NRG2: variants seen among roughly 807,000 people sequenced by gnomAD.
The protein encoded by NRG2 is neuregulin 2, also known as pro-neuregulin-2, membrane-bound isoform.
NRG2 carries 27 observed loss-of-function variants against 73.9 expected under a neutral mutation model. That is an observed-to-expected ratio of 0.37 (90% confidence interval 0.27 to 0.50). NRG2 has a LOEUF of 0.50. Ranked by LOEUF, NRG2 falls within the 20% of genes least tolerant of loss-of-function variation. NRG2 has a pLI of 0.96. For missense variants in NRG2, 1,126 were observed against 1,210.1 expected (o/e 0.93, Z 1.03); for synonymous variants, 532 against 541.0 (o/e 0.98, Z 0.23).
At chr5:139,911,300 T>C (rs1750803018) in intron 1 of NRG2, among the ~76,000 whole-genome samples, 1 of 152,108 alleles carries the variant, frequency 6.6e-6, no homozygotes, top group South Asian at 2.1e-4. Flanking sequence ...GAGGTTGGAC[T>C]AAATGATGTT....
At chr5:140,020,519 T>C (rs1760136361) in intron 1 of NRG2, among the ~76,000 whole-genome samples, 1 of 152,200 alleles carries the variant, frequency 6.6e-6, no homozygotes, top group South Asian at 2.1e-4. Flanking sequence ...CAAAATGTCA[T>C]TAGGGATTTT....
At chr5:139,950,012 CA>C (rs1325827773) in intron 1 of NRG2, among the ~76,000 whole-genome samples, 1 of 152,126 alleles carries the variant, frequency 6.6e-6, no homozygotes, top group Non-Finnish European at 1.5e-5. Context: ...GACAAAGACA[CA>C]AGGGAAAATT....
chr5:139,929,795 T>G (rs898191301), intron 1 of NRG2, among the ~76,000 whole-genome samples: 1 of 152,184 alleles, frequency 6.6e-6, no homozygotes, highest in Non-Finnish European at 1.5e-5. Flanking sequence ...GGCTGGGGCT[T>G]GACGCTCCAC....
At chr5:139,970,600 C>A (rs898701442) in intron 1 of NRG2, among the ~76,000 whole-genome samples, 1 of 152,234 alleles carries the variant, frequency 6.6e-6, no homozygotes, top group Non-Finnish European at 1.5e-5. Flanking sequence ...ACTATTCCAG[C>A]CCTGCTATCC....
intron 1 of NRG2, among the ~76,000 whole-genome samples, chr5:140,000,856 G>A (rs1469016730): frequency 6.6e-6 from 1 of 152,198 alleles, no homozygotes; most frequent in African/African-American, 2.4e-5. Context: ...CTCTGTCAAC[G>A]TCAGATGTGA....
At chr5:139,929,833 C>T (rs1419340081) in intron 1 of NRG2, among the ~76,000 whole-genome samples, 1 of 152,128 alleles carries the variant, frequency 6.6e-6, no homozygotes, top group African/African-American at 2.4e-5. Flanking sequence ...ACCCTCCCAT[C>T]GGCTGCTGTG....
intron 1 of NRG2, among the ~76,000 whole-genome samples, chr5:139,961,299 CCT>C (rs976838579): frequency 2.0e-5 from 3 of 152,084 alleles, no homozygotes; most frequent in Non-Finnish European, 4.4e-5. Context: ...GCCTTCTCTC[CCT>C]GACTTGAGCC....
At position 139,915,946 on chromosome 5, in the gene NRG2, G is replaced by A. The variant is rs1580726456; in HGVS notation, c.701-28435C>T. Among the ~76,000 whole-genome samples the A allele has an allele frequency of 6.6e-6, 1 of 152,174 alleles. No homozygotes were observed. The highest frequency in any genetic ancestry group is 1.9e-4 in the East Asian group (1 of 5,190). On this transcript the variant is annotated intron_variant, in intron 1 of 9. Transcript: ENST00000361474. The surrounding 1 kb of genome is among the most constrained non-coding windows in gnomAD (Gnocchi z 4.0). ...ATGGAGATAAGGCTAAAAAGACTGG[G>A]TGGGAACCAGGCTGCCCAGAGCACC...
intron 1 of NRG2, among the ~76,000 whole-genome samples, chr5:139,938,905 A>AAAAGAAAGAAAGAAAGAAAGAAAG: frequency 1.3e-5 from 1 of 75,562 alleles, no homozygotes; most frequent in East Asian, 3.7e-4. Context: ...AGAAAGAAAG[A>AAAAGAAAGAAAGAAAGAAAGAAAG]AAAGAAAGAA....
At chr5:140,040,869 A>C (rs1450049805) in intron 1 of NRG2, among the ~76,000 whole-genome samples, 1 of 152,200 alleles carries the variant, frequency 6.6e-6, no homozygotes, top group Non-Finnish European at 1.5e-5. Context: ...AAAAGCAGTC[A>C]ACAATATTCC....
chr5:140,022,532 A>G (rs1342587154), intron 1 of NRG2, among the ~76,000 whole-genome samples: 1 of 152,190 alleles, frequency 6.6e-6, no homozygotes, highest in Non-Finnish European at 1.5e-5. Context: ...CATTTGATCT[A>G]CTATCTACCA....
chr5:139,964,287 G>A (rs1755311947), intron 1 of NRG2, among the ~76,000 whole-genome samples: 1 of 151,980 alleles, frequency 6.6e-6, no homozygotes, highest in African/African-American at 2.4e-5. Context: ...GGGACTTTAT[G>A]TATCTCCTTT....
In NRG2 at chr5:139,904,390, T is replaced by G. The variant is rs1235115080; in HGVS notation, c.701-16879A>C. On this transcript the variant is annotated intron_variant, in intron 1 of 9. Transcript: ENST00000361474. The surrounding 1 kb of genome is among the most constrained non-coding windows in gnomAD (Gnocchi z 6.0). ...GCGGCCGCGGCCCCTCCTCCTGGAC[T>G]CCGACATTCTGCACGGGGTCCCAGG... is the stretch of plus-strand genomic sequence containing the variant. The G allele has an allele frequency of 1.9e-6, 3 of 1,549,624 alleles. No individual in the cohort carries two copies. In the African/African-American group the frequency reaches 4.1e-5, roughly 21 times the overall value.
chr5:139,946,758 C>T lies in NRG2; in HGVS notation c.701-59247G>A, dbSNP rs377527779. Reference sequence around the variant, plus strand: ...TTATATCTATAATATATACAGAATGCTTACAACTCAACAACAATAAAACAA... The same window carrying T: ...TTATATCTATAATATATACAGAATGTTTACAACTCAACAACAATAAAACAA... On this transcript the variant is annotated intron_variant, in intron 1 of 9. Transcript: ENST00000361474. Among the ~76,000 whole-genome samples, 17 of 152,144 alleles carry T rather than the reference C, an allele frequency of 1.1e-4. No homozygotes were observed. The East Asian group carries it at 2.5e-3, about 22-fold the overall frequency.
chr5:140,021,636 T>G (rs779588067), intron 1 of NRG2, among the ~76,000 whole-genome samples: 13 of 152,178 alleles, frequency 8.5e-5, no homozygotes, highest in Non-Finnish European at 1.3e-4. Flanking sequence ...TATTAATGCC[T>G]TCTTGAGTTC....
intron 1 of NRG2, among the ~76,000 whole-genome samples, chr5:139,889,803 A>C (rs1345431047): frequency 6.6e-6 from 1 of 152,170 alleles, no homozygotes; most frequent in African/African-American, 2.4e-5. Flanking sequence ...GTGTCCAAGA[A>C]TTAACTTCAT....
At chr5:139,860,038 C>A in intron 5 of NRG2, 1 of 945,114 alleles carries the variant, frequency 1.1e-6, no homozygotes, top group South Asian at 1.5e-5. Context: ...GGGCAGCCAT[C>A]CTGCGAGGTG....
chr5:139,925,693 G>A (rs576000702), intron 1 of NRG2, among the ~76,000 whole-genome samples: 3 of 152,350 alleles, frequency 2.0e-5, no homozygotes, highest in East Asian at 1.9e-4. Flanking sequence ...CCCTGCAGCC[G>A]AACCAGGCCC....
intron 1 of NRG2, among the ~76,000 whole-genome samples, chr5:139,899,837 A>G (rs1764764803): frequency 6.6e-6 from 1 of 152,184 alleles, no homozygotes; most frequent in Non-Finnish European, 1.5e-5. Context: ...AGCCAGGTGG[A>G]CTGTGCATGA....
Sources: gnomAD v4.1 joint callset for allele counts (sites outside exome capture counted in the v4.1 genomes callset) on GRCh38, gnomAD v4.1.1 for gene constraint, Gnocchi (gnomAD v3.1) non-coding constraint, MANE v1.5 for transcripts, NCBI Gene and HGNC (gene_info 2026-07-23, HGNC 2026-07-21) for gene names.